The following SERPINB10 variants were observed in gnomAD, a reference collection of about 807,000 sequenced individuals.
SERPINB10 encodes the protein serpin B10.
SERPINB10 carries 35 observed loss-of-function variants against 39.1 expected under a neutral mutation model. The ratio of observed to expected loss-of-function variants is 0.90; its 90% CI spans 0.68 to 1.19. SERPINB10 has a LOEUF of 1.19. SERPINB10 is among the 50% of genes most tolerant of loss of function. The pLI, the probability that SERPINB10 is intolerant of heterozygous loss-of-function variation, is 0.00. For missense variants in SERPINB10, 546 were observed against 460.5 expected (o/e 1.19, Z -1.70); for synonymous variants, 190 against 158.1 (o/e 1.20, Z -1.52).
rs544354858 is a variant in SERPINB10, at chr18:63,924,066, T to C, written c.490+4161T>C. ...TTAAGTCTTTTTGCTGTATTAATTC[T>C]GCTTCCTGTTAGTGCATGTTGATGT... On this transcript the variant is annotated intron_variant, in intron 5 of 7. Coordinates refer to ENST00000238508, the MANE Select transcript of SERPINB10 (RefSeq NM_005024.3). Among the ~76,000 whole-genome samples the C allele has an allele frequency of 1.2e-4, 18 of 152,154 alleles. No individual in the cohort carries two copies. The East Asian group carries it at 3.3e-3, about 28-fold the overall frequency.
In SERPINB10 at chr18:63,916,544, T is replaced by C. The variant is rs535151131; in HGVS notation, c.168+866T>C. On this transcript the variant is annotated intron_variant, in intron 2 of 7. Transcript: ENST00000238508. The stretch of plus-strand genomic sequence containing the variant: ...TGGGATAACATCCTTACTCTTGTAG[T>C]TCACAAGATATCAGGTGGTTTAAAA... 2.0e-5 allele frequency among the ~76,000 whole-genome samples: 3 copies of C among 152,142 alleles called. No individual in the cohort carries two copies. In the East Asian group the frequency reaches 5.8e-4, roughly 30 times the overall value.
Position 63,919,810 on chromosome 18 carries a change from C to A in SERPINB10, c.395C>A (p.Thr132Lys). The A allele has an allele frequency of 6.2e-7, 1 of 1,604,030 alleles. No homozygotes were observed. The highest frequency in any genetic ancestry group is 1.7e-5 in the Admixed American group (1 of 58,562). ...CAGAAATATTTAGAAGACATGAAAA[C>A]ATATTTTGGTGCAGAACCTCAGCCT... Reference protein sequence around the residue: ...FHNKYLEDMKTYFGAEPQPVN... With the variant: ...FHNKYLEDMKKYFGAEPQPVN... Residue 132 changes from threonine (T) to lysine (K), a missense_variant, in exon 5 of 8, where the codon ACA becomes AAA. Thr to Lys is a moderately conservative substitution (Grantham distance 78, BLOSUM62 -1). Coordinates refer to ENST00000238508, the MANE Select transcript of SERPINB10 (RefSeq NM_005024.3).
At chr18:63,920,083 T>A (rs907578956) in intron 5 of SERPINB10, among the ~76,000 whole-genome samples, 178 bp downstream of exon 5, 1 of 152,052 alleles carries the variant, frequency 6.6e-6, no homozygotes, top group Non-Finnish European at 1.5e-5. Context: ...GCCTTCCTAA[T>A]AAGTCTTATC....
intron 1 of SERPINB10, 32 bp downstream of exon 1, chr18:63,908,072 T>C (rs1250833240): frequency 6.7e-6 from 2 of 299,890 alleles, no homozygotes; most frequent in Non-Finnish European, 1.4e-5. Flanking sequence ...TTAATGATTT[T>C]ATTTATGTTT....
At chr18:63,916,554 A>G (rs1269252690) in intron 2 of SERPINB10, among the ~76,000 whole-genome samples, 2 of 152,062 alleles carry the variant, frequency 1.3e-5, no homozygotes, top group African/African-American at 4.8e-5. Context: ...TTCACAAGAT[A>G]TCAGGTGGTT....
At chr18:63,915,356 T>C (rs1268670250) in intron 1 of SERPINB10, 146 bp from the exon 2 acceptor site, 1 of 478,766 alleles carries the variant, frequency 2.1e-6, no homozygotes, top group South Asian at 4.6e-5. Context: ...TAAAATACTA[T>C]TATTGGACTA....
At chr18:63,926,341 T>C (rs75622590) in intron 5 of SERPINB10, among the ~76,000 whole-genome samples, 26,219 of 151,906 alleles carry the variant, frequency 0.17, 2,523 homozygotes, top group Admixed American at 0.29. Flanking sequence ...TATGTCCAAA[T>C]TCCCCCCTCC....
intron 1 of SERPINB10, among the ~76,000 whole-genome samples, chr18:63,908,450 G>T (rs2050041254): frequency 6.6e-6 from 1 of 151,902 alleles, no homozygotes; most frequent in Non-Finnish European, 1.5e-5. Flanking sequence ...AACTCTTTAG[G>T]AAATGTGAGC....
intron 1 of SERPINB10, among the ~76,000 whole-genome samples, chr18:63,914,001 C>A (rs2050084183): frequency 6.6e-6 from 1 of 151,930 alleles, no homozygotes; most frequent in South Asian, 2.1e-4. Flanking sequence ...TGAATTGAAC[C>A]TTTTGCCATT....
intron 2 of SERPINB10, among the ~76,000 whole-genome samples, chr18:63,916,886 T>TA (rs2050107074): frequency 1.3e-5 from 2 of 152,012 alleles, no homozygotes; most frequent in South Asian, 4.1e-4. Flanking sequence ...ACTTGGCAGA[T>TA]AAAAGTATTG....
rs774313887 is a variant in SERPINB10 at position 63,934,939 on chromosome 18, A to G, written c.891A>G (p.Glu297=). The change falls in exon 8 of 8, where the codon GAA becomes GAG. Residue 297 remains glutamate (E), a synonymous_variant. Transcript: ENST00000238508. Reference sequence around the variant, plus strand: ...TACACCTTCCCAAGTTCAAGCTGGAAGACAGTTATGATCTCAAGTCAACCC... The same window carrying G: ...TACACCTTCCCAAGTTCAAGCTGGAGGACAGTTATGATCTCAAGTCAACCC... ...VQLHLPKFKL[E]DSYDLKSTLS... is the part of the protein sequence containing the mutation. 4 of 1,614,142 alleles carry G rather than the reference A, an allele frequency of 2.5e-6. No individual in the cohort carries two copies. Among genetic ancestry groups the G allele is most frequent in the South Asian group, 1.1e-5 (1 of 91,096 alleles).
chr18:63,926,875 T>C (rs1266188520), intron 5 of SERPINB10, among the ~76,000 whole-genome samples: 1 of 152,098 alleles, frequency 6.6e-6, no homozygotes, highest in Non-Finnish European at 1.5e-5. Context: ...CGATATTTTA[T>C]AAGCATAATT....
Position 63,933,137 on chromosome 18 carries a change from C to T in SERPINB10, c.723C>T (p.Leu241=). The T allele has an allele frequency of 1.2e-6, 2 of 1,614,006 alleles. No homozygotes were observed. Among genetic ancestry groups the T allele is most frequent in the Non-Finnish European group, 1.7e-6 (2 of 1,179,920 alleles). The change falls in exon 7 of 8, where the codon CTC becomes CTT. Residue 241 remains leucine, a synonymous_variant. Transcript: ENST00000238508. ...IEKPKAVGLQ[L]YYKSRDLSLL... is the part of the protein sequence containing the mutation. ...AGCCAAAAGCAGTGGGCCTTCAACT[C>T]TACTACAAAAGCCGTGACCTCAGCC...
Position 63,915,532 on chromosome 18 carries a change from A to G in SERPINB10, c.22A>G (p.Ile8Val), listed in dbSNP as rs761407423. 2 of 1,612,254 alleles carry G rather than the reference A, an allele frequency of 1.2e-6. No homozygotes were observed. The highest frequency in any genetic ancestry group is 8.5e-7 in the Non-Finnish European group (1 of 1,178,884). ...CTCAATGGACTCTCTAGCAACATCA[A>G]TCAACCAGTTTGCCCTGGAGTTGAG... MDSLATS[I>V]NQFALELSKK... Residue 8 changes from isoleucine to valine, a missense_variant, in exon 2 of 8, where the codon ATC becomes GTC. Transcript: ENST00000238508.
chr18:63,929,510 G>A (rs1409450216), intron 5 of SERPINB10, among the ~76,000 whole-genome samples: 1 of 151,848 alleles, frequency 6.6e-6, no homozygotes, highest in Admixed American at 6.6e-5. Flanking sequence ...GGACATTTTA[G>A]CACAAGTGTC....
Position 63,933,171 on chromosome 18 carries a change from C to A in SERPINB10, c.757C>A (p.Leu253Ile), listed in dbSNP as rs746489069. The stretch of plus-strand genomic sequence containing the variant: ...AAGCCGTGACCTCAGCCTGCTTATA[C>A]TACTGCCAGAAGACATTAATGGGCT... ...YKSRDLSLLI[L>I]LPEDINGLEQ... The change falls in exon 7 of 8, where the codon CTA becomes ATA. Residue 253 changes from leucine (L) to isoleucine (I), a missense_variant. Physicochemically the swap from Leu to Ile is conservative, Grantham distance 5. Coordinates refer to ENST00000238508, the MANE Select transcript of SERPINB10 (RefSeq NM_005024.3). The A allele has an allele frequency of 3.1e-6, 5 of 1,613,914 alleles. No individual in the cohort carries two copies. The highest frequency in any genetic ancestry group is 3.4e-6 in the Non-Finnish European group (4 of 1,179,946).
chr18:63,923,845 C>T (rs1410833624), intron 5 of SERPINB10, among the ~76,000 whole-genome samples: 1 of 151,834 alleles, frequency 6.6e-6, no homozygotes, highest in Non-Finnish European at 1.5e-5. Context: ...CTTCTGTTAT[C>T]CTTTTCCAGC....
chr18:63,928,341 C>T lies in SERPINB10; in HGVS notation c.491-1704C>T, dbSNP rs925117355. ...TAGAGCAAACCTATAATACCTGATT[C>T]GAGAGATATATATTTGACGTATTTT... On this transcript the variant is annotated intron_variant, in intron 5 of 7. Coordinates refer to ENST00000238508, the MANE Select transcript of SERPINB10 (RefSeq NM_005024.3). Among the ~76,000 whole-genome samples, 15 of 152,026 alleles carry T rather than the reference C, an allele frequency of 9.9e-5. No individual in the cohort carries two copies. In the South Asian group the frequency reaches 1.7e-3, roughly 17 times the overall value.
intron 5 of SERPINB10, among the ~76,000 whole-genome samples, chr18:63,921,525 T>C (rs2050146583): frequency 6.6e-6 from 1 of 151,940 alleles, no homozygotes; most frequent in African/African-American, 2.4e-5. Flanking sequence ...TTCAATTCCT[T>C]TCCTCCACAG....
Sources: gnomAD v4.1 joint callset for allele counts (sites outside exome capture counted in the v4.1 genomes callset) on GRCh38, gnomAD v4.1.1 for gene constraint, MANE v1.5 for transcripts, NCBI Gene and HGNC (gene_info 2026-07-23, HGNC 2026-07-21) for gene names.